The following ERICH6B variants were observed in gnomAD, a reference collection of about 807,000 sequenced individuals.
ERICH6B encodes glutamate rich 6B.
In ERICH6B, 69 loss-of-function variants were observed where a neutral mutation model predicts 80.0. That is an observed-to-expected ratio of 0.86 (90% CI 0.71 to 1.05). The LOEUF (loss-of-function observed/expected upper bound fraction) is 1.05, where lower values mean the gene tolerates loss of function less well. ERICH6B is among the 50% of genes least tolerant of loss of function. The probability of loss-of-function intolerance (pLI) is 0.00; values close to 1 mark genes in which losing one functional copy is unlikely to be tolerated. For missense variants in ERICH6B, 754 were observed against 796.1 expected, an observed-to-expected ratio of 0.95 and a Z score of 0.64; for synonymous variants, 283 against 291.9, an observed-to-expected ratio of 0.97 and a Z score of 0.31.
Position 45,610,213 on chromosome 13 carries a change from G to GT in ERICH6B, c.-110-2599dup, listed in dbSNP as rs1275050583. 3.3e-5 allele frequency among the ~76,000 whole-genome samples: 5 copies of GT among 152,122 alleles called. No individual in the cohort carries two copies. In the East Asian group the frequency reaches 5.8e-4, roughly 18 times the overall value. On this transcript the variant is annotated intron_variant, in intron 1 of 14. Coordinates refer to ENST00000298738, the MANE Select transcript of ERICH6B (RefSeq NM_182542.3). ...TGGCCTTTTGAGATGTCTTTTTCAG[G>GT]TTTTTTTCATGTCTGACACCTATGG...
At chr13:45,555,489 T>C (rs1874400752) in intron 11 of ERICH6B, 1 of 152,224 alleles carries the variant, frequency 6.6e-6, no homozygotes, top group Non-Finnish European at 1.5e-5. Context: ...GAGGCCACAC[T>C]CATGATGTAA....
intron 5 of ERICH6B, among the ~76,000 whole-genome samples, chr13:45,583,227 T>C (rs150657420): frequency 1.3e-5 from 2 of 152,368 alleles, no homozygotes; most frequent in East Asian, 3.9e-4. Flanking sequence ...TTTCCCTGAA[T>C]CATTAATCAG....
At chr13:45,587,275 C>T (rs769507118) in intron 4 of ERICH6B, 43 bp from the exon 5 acceptor site, 2 of 1,541,034 alleles carry the variant, frequency 1.3e-6, no homozygotes, top group East Asian at 2.4e-5. Context: ...CAGACAGGGG[C>T]CAGGTCAGGA....
chr13:45,585,226 G>A (rs890867641), intron 5 of ERICH6B, among the ~76,000 whole-genome samples: 3 of 152,172 alleles, frequency 2.0e-5, no homozygotes, highest in Non-Finnish European at 2.9e-5. Flanking sequence ...GGGCTCACAG[G>A]ACCTAGGCTT....
chr13:45,562,007 T>C (rs1313779412), intron 10 of ERICH6B, among the ~76,000 whole-genome samples: 2 of 152,184 alleles, frequency 1.3e-5, no homozygotes, highest in Non-Finnish European at 2.9e-5. Context: ...GGTAAGACAA[T>C]GTACAGGTCT....
intron 4 of ERICH6B, among the ~76,000 whole-genome samples, chr13:45,588,708 C>T (rs1037820225): frequency 6.6e-6 from 1 of 152,248 alleles, no homozygotes; most frequent in Non-Finnish European, 1.5e-5. Flanking sequence ...CTATCATGTA[C>T]TTTTCCCCCC....
At chr13:45,549,744 C>G (rs1341770693) in intron 13 of ERICH6B, 149 bp downstream of exon 13, 7 of 857,482 alleles carry the variant, frequency 8.2e-6, no homozygotes, top group Non-Finnish European at 1.2e-5. Context: ...TCAGGGACCT[C>G]ATGGACTGGT....
At chr13:45,562,669 A>C (rs996054422) in intron 10 of ERICH6B, among the ~76,000 whole-genome samples, 1 of 152,134 alleles carries the variant, frequency 6.6e-6, no homozygotes, top group African/African-American at 2.4e-5. Flanking sequence ...AGCTCATGGG[A>C]GGGAACTTAA....
chr13:45,574,244 A>G (rs2137992686), intron 8 of ERICH6B, among the ~76,000 whole-genome samples: 1 of 152,364 alleles, frequency 6.6e-6, no homozygotes, highest in South Asian at 2.1e-4. Context: ...CCTCAGAATC[A>G]GCATGAAGTG....
At chr13:45,547,880 G>A (rs1300257575) in intron 13 of ERICH6B, among the ~76,000 whole-genome samples, 2 of 152,200 alleles carry the variant, frequency 1.3e-5, no homozygotes, top group African/African-American at 4.8e-5. Context: ...ACTCCCTAGT[G>A]TTAGAGATCT....
intron 4 of ERICH6B, among the ~76,000 whole-genome samples, chr13:45,588,728 C>A (rs1435725300): frequency 6.6e-6 from 1 of 152,226 alleles, no homozygotes; most frequent in Non-Finnish European, 1.5e-5. Flanking sequence ...CAGACACTGT[C>A]TGTCGTGCCT....
At chr13:45,590,348 T>G (rs1876107228) in intron 4 of ERICH6B, among the ~76,000 whole-genome samples, 1 of 152,082 alleles carries the variant, frequency 6.6e-6, no homozygotes, top group Admixed American at 6.5e-5. Context: ...CTGAGAGCAC[T>G]GCTTGCGAGC....
intron 2 of ERICH6B, among the ~76,000 whole-genome samples, chr13:45,606,539 ATATATATATTTTTTTT>A (rs1423212949): frequency 2.6e-4 from 3 of 11,448 alleles, no homozygotes; most frequent in East Asian, 4.1e-3. Flanking sequence ...ATATATATAT[ATATATATATTTTTTTT>A]TTTTTTTTTT....
intron 2 of ERICH6B, among the ~76,000 whole-genome samples, chr13:45,598,751 C>T (rs1479718238): frequency 3.3e-5 from 5 of 152,110 alleles, no homozygotes; most frequent in African/African-American, 4.8e-5. Context: ...AAGGACTTGC[C>T]GCCCAGCGGT....
intron 11 of ERICH6B, among the ~76,000 whole-genome samples, chr13:45,558,713 C>T (rs1406035212): frequency 2.0e-5 from 3 of 152,126 alleles, no homozygotes; most frequent in African/African-American, 2.4e-5. Context: ...GTTTTTAATT[C>T]GTTTATGTTG....
intron 1 of ERICH6B, among the ~76,000 whole-genome samples, chr13:45,608,223 TGTTAA>T (rs1218431604): frequency 6.6e-6 from 1 of 152,160 alleles, no homozygotes; most frequent in Non-Finnish European, 1.5e-5. Flanking sequence ...TACTGAGAAT[TGTTAA>T]GTTAAAGGCA....
At chr13:45,613,905 TG>T (rs956403365) in intron 1 of ERICH6B, among the ~76,000 whole-genome samples, 12 of 152,172 alleles carry the variant, frequency 7.9e-5, no homozygotes, top group African/African-American at 2.9e-4. Context: ...GGTGTTGGGC[TG>T]GGGGACTCAT....
rs185750713 is a variant in ERICH6B, at chr13:45,574,822, C to T, written c.1050+20G>A. The T allele has an allele frequency of 2.1e-4, 328 of 1,525,800 alleles. 1 individual carries two copies. The African/African-American group carries it at 3.7e-3, about 17-fold the overall frequency. 94.5% of individuals were successfully genotyped at this position (1,525,800 alleles called of 1,614,324 possible). ...TTGGAGGAAGCTGGGGGGGGGGTCTCAAGTTTTTATCCAACTTACGTTTTC... is the reference window on the plus strand; with the variant it reads ...TTGGAGGAAGCTGGGGGGGGGGTCTTAAGTTTTTATCCAACTTACGTTTTC... On this transcript the variant is annotated intron_variant, in intron 8 of 14. Transcript: ENST00000298738.
In ERICH6B at chr13:45,561,592, C is replaced by A. The variant is rs1410939981; in HGVS notation, c.1250-66G>T. 6 of 1,520,788 alleles carry A rather than the reference C, an allele frequency of 3.9e-6. No homozygotes were observed. The East Asian group carries it at 1.5e-4, about 37-fold the overall frequency. The allele number at this position is 1,520,788 out of a possible 1,614,324, so 94.2% of individuals were successfully genotyped here. On this transcript the variant is annotated intron_variant, in intron 10 of 14. Transcript: ENST00000298738. ...TGGGAAAGAGAAAGGAAACTTAGAT[C>A]TGTCTCTCTCAAGGTGCCAAAGGGA...
Sources: gnomAD v4.1 joint callset for allele counts (sites outside exome capture counted in the v4.1 genomes callset) on GRCh38, gnomAD v4.1.1 for gene constraint, MANE v1.5 for transcripts, NCBI Gene and HGNC (gene_info 2026-07-23, HGNC 2026-07-21) for gene names.